ANXA8: variants seen among roughly 807,000 people sequenced by gnomAD.
The protein encoded by ANXA8 is annexin A8, also known as VAC-beta.
ANXA8 carries 9 observed loss-of-function variants against 26.8 expected under a neutral mutation model. The observed-to-expected ratio is 0.34, with a 90% CI of 0.20 to 0.59. ANXA8 has a LOEUF of 0.59. Among genes scored for constraint, ANXA8 ranks in the 20% least tolerant of loss-of-function variants. The pLI is 0.84. For synonymous variants in ANXA8, 39 were observed against 94.8 expected (o/e 0.41, Z 3.42); for missense variants, 83 against 238.5 (o/e 0.35, Z 4.29).
chr10:47,588,592 G>C, the ANXA8 span: 2 of 143,848 alleles, frequency 1.4e-5, no homozygotes, highest in Non-Finnish European at 3.0e-5. Flanking sequence ...ACCCTCCCCT[G>C]AGCCTCAGTT....
At chr10:47,750,920 T>G in the ANXA8 span, 1 of 150,890 alleles carries the variant, frequency 6.6e-6, no homozygotes, top group Non-Finnish European at 1.5e-5. Context: ...CATTCAACAG[T>G]CAATTAGTAT....
the ANXA8 span, among the ~76,000 whole-genome samples, chr10:47,651,369 T>G: frequency 6.6e-6 from 1 of 151,376 alleles, no homozygotes; most frequent in Non-Finnish European, 1.5e-5. Flanking sequence ...GGTTCCTTAC[T>G]TATAGAGATG....
chr10:47,765,451 G>C, the ANXA8 span, among the ~76,000 whole-genome samples: 1 of 151,848 alleles, frequency 6.6e-6, no homozygotes, highest in African/African-American at 2.4e-5. Context: ...ATCCACACCA[G>C]CTGCCTCCAT....
At chr10:47,733,282 TC>T in the ANXA8 span, among the ~76,000 whole-genome samples, 65 of 100,750 alleles carry the variant, frequency 6.5e-4, no homozygotes, top group Middle Eastern at 5.1e-3. Context: ...TTTCTTTCTT[TC>T]TTTCTTTCTT....
the ANXA8 span, among the ~76,000 whole-genome samples, chr10:47,978,220 T>A: frequency 6.6e-6 from 1 of 151,776 alleles, no homozygotes; most frequent in Admixed American, 6.6e-5. Context: ...CTAGCAAAGG[T>A]ATCTTTGAAA....
At chr10:47,695,890 T>C in the ANXA8 span, among the ~76,000 whole-genome samples, 3 of 151,816 alleles carry the variant, frequency 2.0e-5, no homozygotes, top group African/African-American at 7.3e-5. Context: ...GTTCCCTACC[T>C]CCAAAGTCTT....
intron 11 of ANXA8, among the ~76,000 whole-genome samples, chr10:47,469,229 A>G (rs1373118503): frequency 1.4e-5 from 2 of 147,406 alleles, no homozygotes; most frequent in Middle Eastern, 3.2e-3. Context: ...GTGCCCAGCC[A>G]TTCATTTACA....
chr10:47,946,683 A>G, the ANXA8 span, among the ~76,000 whole-genome samples: 1 of 150,810 alleles, frequency 6.6e-6, no homozygotes. Context: ...TTTGTCCTCC[A>G]CAGTTGCTAA....
chr10:47,492,702 CATT>C, the ANXA8 span, among the ~76,000 whole-genome samples: 1 of 139,050 alleles, frequency 7.2e-6, no homozygotes, highest in Admixed American at 7.0e-5. Flanking sequence ...CTCCACTCAT[CATT>C]GAGGTGCCCT....
chr10:47,750,362 A>AT, the ANXA8 span, among the ~76,000 whole-genome samples: 2 of 134,810 alleles, frequency 1.5e-5, no homozygotes, highest in South Asian at 5.2e-4. Context: ...TACTTATTTT[A>AT]TTTTTTTGTT....
At chr10:47,622,773 T>C in the ANXA8 span, among the ~76,000 whole-genome samples, 1 of 107,718 alleles carries the variant, frequency 9.3e-6, no homozygotes, top group South Asian at 3.1e-4. Flanking sequence ...TACTTTCTTA[T>C]ATTGCATTAC....
the ANXA8 span, among the ~76,000 whole-genome samples, chr10:47,514,236 G>C: frequency 1.3e-5 from 2 of 149,064 alleles, no homozygotes; most frequent in African/African-American, 5.1e-5. Flanking sequence ...TAAAGAAACT[G>C]TGATATACAT....
the ANXA8 span, among the ~76,000 whole-genome samples, chr10:47,704,629 C>T: frequency 4.0e-5 from 6 of 151,482 alleles, no homozygotes; most frequent in African/African-American, 1.2e-4. Flanking sequence ...GGTTTACATA[C>T]CTTTTCCCTC....
At chr10:47,565,765 C>T in the ANXA8 span, 3 of 739,008 alleles carry the variant, frequency 4.1e-6, no homozygotes, top group Non-Finnish European at 5.7e-6. Context: ...CTGTTTGCGC[C>T]CTTCGGCCGG....
At chr10:47,626,405 TAAATA>T in the ANXA8 span, among the ~76,000 whole-genome samples, 1 of 150,402 alleles carries the variant, frequency 6.6e-6, no homozygotes, top group East Asian at 1.9e-4. Flanking sequence ...GAAATATCCT[TAAATA>T]AAACTTTGAG....
At chr10:47,539,349 T>C in the ANXA8 span, among the ~76,000 whole-genome samples, 15 of 104,046 alleles carry the variant, frequency 1.4e-4, 4 homozygotes, top group African/African-American at 5.9e-4. Flanking sequence ...GAGGTGACAA[T>C]AGAGTAGAGG....
the ANXA8 span, among the ~76,000 whole-genome samples, chr10:47,527,941 G>T: frequency 5.4e-5 from 8 of 149,254 alleles, no homozygotes; most frequent in African/African-American, 2.0e-4. Context: ...GCACAGGTGC[G>T]TGCAATCCGG....
At chr10:47,578,003 CA>C in the ANXA8 span, among the ~76,000 whole-genome samples, 18,757 of 24,220 alleles carry the variant, frequency 0.77, 6,801 homozygotes, top group East Asian at 0.87. Flanking sequence ...AACTCCACCT[CA>C]AAAAAAAAAA....
the ANXA8 span, among the ~76,000 whole-genome samples, chr10:47,949,427 G>A: frequency 1.3e-5 from 2 of 149,370 alleles, no homozygotes; most frequent in African/African-American, 2.5e-5. Flanking sequence ...AGACTCACCA[G>A]GTGTTTCTAA....
Sources: gnomAD v4.1 joint callset for allele counts (sites outside exome capture counted in the v4.1 genomes callset) on GRCh38, gnomAD v4.1.1 for gene constraint, MANE v1.5 for transcripts, NCBI Gene and HGNC (gene_info 2026-07-23, HGNC 2026-07-21) for gene names.